The following TUT1 variants were observed in gnomAD, a reference collection of about 807,000 sequenced individuals.
TUT1 encodes the protein terminal uridylyl transferase 1, U6 snRNA-specific, also known as speckle targeted PIP5K1A-regulated poly(A) polymerase.
In TUT1, 26 loss-of-function variants were observed where a neutral mutation model predicts 48.8. The observed-to-expected ratio is 0.53, with a 90% CI of 0.39 to 0.74. The LOEUF (loss-of-function observed/expected upper bound fraction) is 0.74. TUT1 is among the 30% of genes least tolerant of loss of function. TUT1 has a pLI of 0.00. For synonymous variants in TUT1, 470 were observed against 460.8 expected (o/e 1.02, Z -0.26); for missense variants, 1,065 against 1,114.8 (o/e 0.96, Z 0.64).
At chr11:62,585,102 G>A (rs543908512) in intron 2 of TUT1, among the ~76,000 whole-genome samples, 15 of 152,134 alleles carry the variant, frequency 9.9e-5, no homozygotes, top group Non-Finnish European at 1.6e-4. Context: ...GATTACAGGT[G>A]TGAGCCACCT....
Position 62,578,978 on chromosome 11 carries a change from G to T in TUT1, c.743C>A (p.Pro248Gln). 2 of 1,523,456 alleles carry T rather than the reference G, an allele frequency of 1.3e-6. No individual in the cohort carries two copies. Among genetic ancestry groups the T allele is most frequent in the Non-Finnish European group, 1.8e-6 (2 of 1,137,442 alleles). 94.4% of individuals were successfully genotyped at this position (1,523,456 alleles called of 1,614,324 possible). A position where few individuals can be genotyped will look rare whatever the true frequency, so the allele number is the denominator to read the frequency against. Reference protein sequence around the residue: ...SPSLDSALASPLDPQALACTP... With the variant: ...SPSLDSALASQLDPQALACTP... ...GCAGGCCAGGGCTTGAGGGTCCAGT[G>T]GGGAAGCCAGGGCCGAGTCCAGCGA... Residue 248 changes from proline (P) to glutamine (Q), a missense_variant, in exon 5 of 9, where the codon CCA (proline) becomes CAA (glutamine). By Grantham distance (76) the Pro-to-Gln change is moderately conservative. Transcript: ENST00000476907.
Position 62,589,025 on chromosome 11 carries a change from C to T in TUT1, c.273+6G>A, listed in dbSNP as rs1203251566. 1.2e-6 allele frequency: 2 copies of T among 1,611,292 alleles called. No homozygotes were observed. Among genetic ancestry groups the T allele is most frequent in the Non-Finnish European group, 1.7e-6 (2 of 1,177,832 alleles). On this transcript the variant is annotated splice_donor_region_variant and intron_variant, in intron 2 of 8. Transcript: ENST00000476907. ...CATTCTTTAACCCGAGAGCCATTCA[C>T]TTTACCTTGTCCTTGTCCATGACAA...
At position 62,578,671 on chromosome 11, in the gene TUT1, GC is replaced by G; in HGVS notation, c.1049del (p.Gly350AlafsTer47). ...MLELVGSILRGCVPGVYRVQT... is the reference protein window; with the variant it reads ...MLELVGSILRXCVPGVYRVQT... ...GGACTCGATACACCCCAGGGACACA[GC>G]CCCGGAGAATGGATCCCACCAGCTC... On this transcript the variant is annotated frameshift_variant, in exon 5 of 9. Coordinates refer to ENST00000476907, the MANE Select transcript of TUT1 (RefSeq NM_022830.3). LOFTEE classifies it high-confidence loss of function. 6.2e-7 allele frequency: 1 copy of G among 1,614,252 alleles called. No individual in the cohort carries two copies. The highest frequency in any genetic ancestry group is 8.5e-7 in the Non-Finnish European group (1 of 1,180,042).
In TUT1 at chr11:62,589,125, A is replaced by C; in HGVS notation, c.179T>G (p.Val60Gly). The C allele has an allele frequency of 1.2e-6, 2 of 1,614,252 alleles. No homozygotes were observed. The highest frequency in any genetic ancestry group is 1.7e-6 in the Non-Finnish European group (2 of 1,180,048). The change falls in exon 2 of 9, where the codon GTC becomes GGC. Residue 60 changes from valine (V) to glycine (G), a missense_variant. Val to Gly is a moderately radical substitution (Grantham distance 109). Coordinates refer to ENST00000476907, the MANE Select transcript of TUT1 (RefSeq NM_022830.3). ...ATCCACATCCCTGGGAAAGCCACTGACAAACACACTTCGAAGTCCCTGGGC... is the reference window on the plus strand; with the variant it reads ...ATCCACATCCCTGGGAAAGCCACTGCCAAACACACTTCGAAGTCCCTGGGC... ...RKAQGLRSVF[V>G]SGFPRDVDSA...
chr11:62,577,086 A>G lies in TUT1; in HGVS notation c.1271-69T>C, dbSNP rs1273967396. On this transcript the variant is annotated intron_variant, in intron 6 of 8. Transcript: ENST00000476907. ...TAATCCCCTCACTGGCAGTTTTCTCAACCCCGGTGCCCATTCTGACCTCCC... is the reference window on the plus strand; with the variant it reads ...TAATCCCCTCACTGGCAGTTTTCTCGACCCCGGTGCCCATTCTGACCTCCC... 21 of 1,587,592 alleles carry G rather than the reference A, an allele frequency of 1.3e-5. No individual in the cohort carries two copies. In the East Asian group the frequency reaches 3.6e-4, roughly 27 times the overall value.
chr11:62,575,591 G>A lies in TUT1; in HGVS notation c.2128C>T (p.Gln710Ter). Residue 710 changes from glutamine (Q) to a stop codon, truncating the protein, a stop_gained, in exon 9 of 9, where the codon CAG becomes TAG. Coordinates refer to ENST00000476907, the MANE Select transcript of TUT1 (RefSeq NM_022830.3). LOFTEE classifies it low-confidence loss of function (END_TRUNC). ...GTGGTCAGGGGCAGGTCCCCTGGCT[G>A]CCCAGGGCTCTGCATGGCCCAGTCC... The part of the protein sequence containing the change: ...VQDWAMQSPG[Q>*]PGDLPLTTGK... The A allele has an allele frequency of 6.2e-7, 1 of 1,614,096 alleles. No individual in the cohort carries two copies. The highest frequency in any genetic ancestry group is 8.5e-7 in the Non-Finnish European group (1 of 1,180,012).
intron 1 of TUT1, 53 bp downstream of exon 1, chr11:62,591,351 C>T: frequency 1.3e-6 from 2 of 1,500,374 alleles, no homozygotes; most frequent in Non-Finnish European, 1.8e-6. Flanking sequence ...TCGCCAGGAT[C>T]AAAAGACGAA....
intron 2 of TUT1, chr11:62,582,653 T>C: frequency 2.2e-6 from 1 of 448,150 alleles, no homozygotes; most frequent in Non-Finnish European, 4.5e-6. Context: ...AACATTTTAC[T>C]CTCACCCCAG....
At chr11:62,577,056 GCTT>G in intron 6 of TUT1, 39 bp from the exon 7 acceptor site, 4 of 1,599,948 alleles carry the variant, frequency 2.5e-6, no homozygotes, top group Non-Finnish European at 3.4e-6. Flanking sequence ...GATCAGAGGT[GCTT>G]CTAATCCCCT....
At chr11:62,584,289 G>A (rs1034289182) in intron 2 of TUT1, among the ~76,000 whole-genome samples, 11 of 151,704 alleles carry the variant, frequency 7.3e-5, no homozygotes, top group African/African-American at 2.7e-4. Flanking sequence ...CACTACACCT[G>A]GCTAATTTTT....
At chr11:62,580,603 T>C (rs1171050701) in intron 4 of TUT1, among the ~76,000 whole-genome samples, 1 of 132,178 alleles carries the variant, frequency 7.6e-6, no homozygotes, top group Admixed American at 7.3e-5. Context: ...TGTCAATTCT[T>C]TTTTTTTTTT....
At chr11:62,588,788 G>A (rs369301143) in intron 2 of TUT1, among the ~76,000 whole-genome samples, 12 of 152,158 alleles carry the variant, frequency 7.9e-5, no homozygotes, top group Admixed American at 2.6e-4. Context: ...TCCACCTCCC[G>A]GGTTCAAGCG....
At chr11:62,590,850 C>A (rs572131423) in intron 1 of TUT1, among the ~76,000 whole-genome samples, 164 of 151,856 alleles carry the variant, frequency 1.1e-3, no homozygotes, top group African/African-American at 3.9e-3. Context: ...TTACAGTGAA[C>A]CCCTTGTGTG....
intron 2 of TUT1, among the ~76,000 whole-genome samples, chr11:62,588,757 C>T (rs769971268): frequency 5.3e-5 from 8 of 152,198 alleles, no homozygotes; most frequent in Non-Finnish European, 8.8e-5. Flanking sequence ...CACAGTGGCA[C>T]GATCTCAGCT....
chr11:62,576,420 G>T, intron 8 of TUT1, 176 bp from the exon 9 acceptor site: 2 of 861,094 alleles, frequency 2.3e-6, no homozygotes, highest in Non-Finnish European at 3.5e-6. Flanking sequence ...CTCTCTCCCT[G>T]CCCCCACATG....
chr11:62,586,663 C>T (rs1223742454), intron 2 of TUT1, among the ~76,000 whole-genome samples: 1 of 152,034 alleles, frequency 6.6e-6, no homozygotes, highest in African/African-American at 2.4e-5. Context: ...CACCTGTAAT[C>T]CCAGCACTTT....
At chr11:62,581,251 A>T (rs747228190) in intron 3 of TUT1, 45 bp from the exon 4 acceptor site, 109 of 1,593,942 alleles carry the variant, frequency 6.8e-5, no homozygotes, top group Non-Finnish European at 9.3e-5. Flanking sequence ...GTTAGGGAGG[A>T]GCAGGGGGAA....
chr11:62,586,356 G>A (rs1941914857), intron 2 of TUT1, among the ~76,000 whole-genome samples: 1 of 152,162 alleles, frequency 6.6e-6, no homozygotes, highest in South Asian at 2.1e-4. Context: ...CTCACAAGCA[G>A]TGTCTTAAAC....
chr11:62,581,100 ACT>A lies in TUT1; in HGVS notation c.690+4_690+5del. The A allele has an allele frequency of 1.2e-6, 2 of 1,612,316 alleles. No individual in the cohort carries two copies. Among genetic ancestry groups the A allele is most frequent in the Non-Finnish European group, 1.7e-6 (2 of 1,178,780 alleles). On this transcript the variant is annotated splice_donor_5th_base_variant and intron_variant, in intron 4 of 8. Coordinates refer to ENST00000476907, the MANE Select transcript of TUT1 (RefSeq NM_022830.3). ...TCCCAGCTGCCTCCCTGGGACACTC[ACT>A]CACCTGGGGCTCTTCCAAGTCACCC... is the stretch of plus-strand genomic sequence containing the variant.
Sources: gnomAD v4.1 joint callset for allele counts (sites outside exome capture counted in the v4.1 genomes callset) on GRCh38, gnomAD v4.1.1 for gene constraint, MANE v1.5 for transcripts, NCBI Gene and HGNC (gene_info 2026-07-23, HGNC 2026-07-21) for gene names.